DDX10: variants seen among roughly 807,000 people sequenced by gnomAD.
DDX10 encodes the protein probable ATP-dependent RNA helicase DDX10.
A neutral mutation model predicts 104.3 loss-of-function variants in DDX10; 74 were observed. The ratio of observed to expected loss-of-function variants is 0.71; its 90% CI spans 0.59 to 0.86. The LOEUF is 0.86. Ranked by LOEUF, DDX10 falls within the 40% of genes least tolerant of loss-of-function variation. DDX10 has a pLI of 0.00. For missense variants in DDX10, 952 were observed against 1,040.0 expected, an observed-to-expected ratio of 0.92 and a Z score of 1.16; for synonymous variants, 351 against 353.4, an observed-to-expected ratio of 0.99 and a Z score of 0.08.
chr11:108,915,353 T>G (rs1325247075), intron 16 of DDX10, among the ~76,000 whole-genome samples: 1 of 152,142 alleles, frequency 6.6e-6, no homozygotes. Flanking sequence ...TTTGGAAAAC[T>G]TGTATTCACC....
chr11:108,836,630 G>A (rs1289561017), intron 13 of DDX10, among the ~76,000 whole-genome samples: 1 of 152,058 alleles, frequency 6.6e-6, no homozygotes, highest in Non-Finnish European at 1.5e-5. Context: ...GGGATTACAG[G>A]GGTGCGCCAC....
At chr11:108,869,347 T>A (rs1863051118) in intron 16 of DDX10, among the ~76,000 whole-genome samples, 1 of 152,110 alleles carries the variant, frequency 6.6e-6, no homozygotes, top group Non-Finnish European at 1.5e-5. Context: ...GGAGCTGAAT[T>A]GAGAAAGCAT....
At chr11:108,691,443 A>G (rs1468060994) in intron 7 of DDX10, among the ~76,000 whole-genome samples, 1 of 152,222 alleles carries the variant, frequency 6.6e-6, no homozygotes, top group Admixed American at 6.5e-5. Flanking sequence ...ATATATTTAC[A>G]ATGTTTTTAT....
At chr11:108,727,925 T>G (rs2094307318) in intron 13 of DDX10, 1 of 161,228 alleles carries the variant, frequency 6.2e-6, no homozygotes, top group African/African-American at 2.4e-5. Flanking sequence ...ACAACTACAT[T>G]TTCATTTTAT....
At chr11:108,920,597 T>C (rs1252874867) in intron 17 of DDX10, 1 of 152,330 alleles carries the variant, frequency 6.6e-6, no homozygotes. Flanking sequence ...CAATAAAAGT[T>C]AGGGACAGAT....
intron 13 of DDX10, among the ~76,000 whole-genome samples, chr11:108,757,615 C>T (rs1046588625): frequency 6.6e-6 from 1 of 152,048 alleles, no homozygotes; most frequent in African/African-American, 2.4e-5. Context: ...TTTCCATAGT[C>T]TTGTGATTAC....
At chr11:108,771,895 T>C (rs2094363699) in intron 13 of DDX10, among the ~76,000 whole-genome samples, 1 of 152,230 alleles carries the variant, frequency 6.6e-6, no homozygotes, top group Admixed American at 6.5e-5. Flanking sequence ...GATGTTGATG[T>C]TCTTCTAACA....
At chr11:108,774,720 T>C (rs1591814926) in intron 13 of DDX10, among the ~76,000 whole-genome samples, 1 of 152,204 alleles carries the variant, frequency 6.6e-6, no homozygotes, top group East Asian at 1.9e-4. Flanking sequence ...AAGAAGACTT[T>C]TCAGCTGTAT....
intron 13 of DDX10, among the ~76,000 whole-genome samples, chr11:108,799,657 T>A (rs1222073496): frequency 6.6e-6 from 1 of 152,228 alleles, no homozygotes; most frequent in Non-Finnish European, 1.5e-5. Context: ...AGGTCTAGTC[T>A]GAGTTTGTTT....
chr11:108,930,643 G>T (rs1470354336), intron 17 of DDX10, among the ~76,000 whole-genome samples: 2 of 152,164 alleles, frequency 1.3e-5, no homozygotes, highest in African/African-American at 2.4e-5. Context: ...TTGCTCCACA[G>T]CCCCACCAGC....
chr11:108,901,204 A>G (rs994117868), intron 16 of DDX10, among the ~76,000 whole-genome samples: 1 of 152,166 alleles, frequency 6.6e-6, no homozygotes, highest in Admixed American at 6.5e-5. Flanking sequence ...GCACTTTTAG[A>G]GCATGGAACA....
At chr11:108,702,019 T>G (rs1314285730) in intron 9 of DDX10, among the ~76,000 whole-genome samples, 1 of 152,126 alleles carries the variant, frequency 6.6e-6, no homozygotes, top group African/African-American at 2.4e-5. Flanking sequence ...CAGCTTCTAG[T>G]GTTCACTCAC....
At chr11:108,923,726 T>A (rs1398956016) in intron 17 of DDX10, among the ~76,000 whole-genome samples, 1 of 152,054 alleles carries the variant, frequency 6.6e-6, no homozygotes, top group Non-Finnish European at 1.5e-5. Context: ...GAGGCGATGG[T>A]GAGTGGAGTA....
intron 3 of DDX10, 112 bp downstream of exon 3, chr11:108,675,838 G>A: frequency 7.3e-7 from 1 of 1,365,046 alleles, no homozygotes; most frequent in Non-Finnish European, 1.0e-6. Context: ...ATGATAGATT[G>A]GCTAGAATGC....
chr11:108,790,756 T>C (rs908806343), intron 13 of DDX10, among the ~76,000 whole-genome samples: 1 of 151,370 alleles, frequency 6.6e-6, no homozygotes, highest in African/African-American at 2.4e-5. Context: ...TCATGGTCTC[T>C]CTTTTTGTTT....
At chr11:108,787,871 G>A (rs574863521) in intron 13 of DDX10, among the ~76,000 whole-genome samples, 4 of 152,222 alleles carry the variant, frequency 2.6e-5, no homozygotes, top group South Asian at 2.1e-4. Flanking sequence ...TGGAGGCTGC[G>A]GTGAGCGGAG....
At chr11:108,747,345 A>G (rs976996852) in intron 13 of DDX10, among the ~76,000 whole-genome samples, 1 of 152,214 alleles carries the variant, frequency 6.6e-6, no homozygotes, top group Non-Finnish European at 1.5e-5. Context: ...TGGAGCTTCT[A>G]TATTAAAAAG....
intron 5 of DDX10, among the ~76,000 whole-genome samples, chr11:108,678,979 C>T (rs905405286): frequency 6.7e-5 from 10 of 150,074 alleles, no homozygotes; most frequent in African/African-American, 2.5e-4. Flanking sequence ...CCTGCCTCAG[C>T]CTCCCGATAG....
In DDX10 at chr11:108,853,966, A is replaced by G. The variant is rs564283840; in HGVS notation, c.2304+1757A>G. ...GCTGTGTTTTATTATTGCTCTGAATAGTTTAGCTACCTCCATTTCACAGCC... is the reference window on the plus strand; with the variant it reads ...GCTGTGTTTTATTATTGCTCTGAATGGTTTAGCTACCTCCATTTCACAGCC... On this transcript the variant is annotated intron_variant, in intron 16 of 17. Coordinates refer to ENST00000322536, the MANE Select transcript of DDX10 (RefSeq NM_004398.4). Among the ~76,000 whole-genome samples, 11 of 152,330 alleles carry G rather than the reference A, an allele frequency of 7.2e-5. No individual in the cohort carries two copies. In the South Asian group the frequency reaches 2.3e-3, roughly 32 times the overall value.
Sources: gnomAD v4.1 joint callset for allele counts (sites outside exome capture counted in the v4.1 genomes callset) on GRCh38, gnomAD v4.1.1 for gene constraint, MANE v1.5 for transcripts, NCBI Gene and HGNC (gene_info 2026-07-23, HGNC 2026-07-21) for gene names.